IFT81: variants seen among roughly 807,000 people sequenced by gnomAD.
IFT81 encodes the protein intraflagellar transport protein 81 homolog.
IFT81 carries 72 observed loss-of-function variants against 102.6 expected under a neutral mutation model. That is an observed-to-expected ratio of 0.70 (90% confidence interval 0.58 to 0.85). The LOEUF (loss-of-function observed/expected upper bound fraction) is 0.85. IFT81 is among the 40% of genes least tolerant of loss of function. The pLI, the probability that IFT81 is intolerant of heterozygous loss-of-function variation, is 0.00. For synonymous variants in IFT81, 237 were observed against 242.7 expected (o/e 0.98, Z 0.22); for missense variants, 723 against 787.3 (o/e 0.92, Z 0.98).
At chr12:110,208,283 G>A (rs886358480) in intron 17 of IFT81, among the ~76,000 whole-genome samples, 7 of 152,114 alleles carry the variant, frequency 4.6e-5, no homozygotes, top group African/African-American at 1.7e-4. Context: ...TGAGCCAATT[G>A]CTTGAGCCCC....
In IFT81 at chr12:110,196,300, C is replaced by T. The variant is rs373792926; in HGVS notation, c.1557+3594C>T. ...TTGGGAGGCGAAGGCGGGTGGATCA[C>T]TTGAGGTCAGGAGTTCGAGACTAGC... On this transcript the variant is annotated intron_variant, in intron 14 of 18. Coordinates refer to ENST00000242591, the MANE Select transcript of IFT81 (RefSeq NM_014055.4). Among the ~76,000 whole-genome samples the T allele has an allele frequency of 2.3e-3, 343 of 152,218 alleles. 3 individuals carry two copies. The highest frequency in any genetic ancestry group is 7.9e-3 in the African/African-American group (329 of 41,530).
At chr12:110,140,002 G>A (rs1894790660) in intron 8 of IFT81, among the ~76,000 whole-genome samples, 1 of 151,304 alleles carries the variant, frequency 6.6e-6, no homozygotes, top group South Asian at 2.1e-4. Flanking sequence ...AGAGTTTGAG[G>A]TTAAAGTGAG....
intron 11 of IFT81, among the ~76,000 whole-genome samples, chr12:110,173,670 A>G (rs561237701): frequency 2.0e-5 from 3 of 152,322 alleles, no homozygotes; most frequent in South Asian, 2.1e-4. Flanking sequence ...TTATCCCCCA[A>G]CCCTGTGCTC....
intron 10 of IFT81, among the ~76,000 whole-genome samples, chr12:110,152,519 G>A (rs1895598211): frequency 6.6e-6 from 1 of 151,958 alleles, no homozygotes; most frequent in South Asian, 2.1e-4. Context: ...ATTGAGTTGA[G>A]TTCCTTATAT....
At chr12:110,206,355 T>C (rs1166164177) in intron 17 of IFT81, among the ~76,000 whole-genome samples, 1 of 152,178 alleles carries the variant, frequency 6.6e-6, no homozygotes, top group Non-Finnish European at 1.5e-5. Flanking sequence ...TTGCTAGGTG[T>C]GATAAAATGC....
chr12:110,170,034 G>A (rs1038626946), intron 11 of IFT81, among the ~76,000 whole-genome samples: 1 of 150,676 alleles, frequency 6.6e-6, no homozygotes, highest in Non-Finnish European at 1.5e-5. Context: ...CTCACTGCAA[G>A]CTCTGCCTCC....
At chr12:110,197,066 G>A (rs1172197912) in intron 14 of IFT81, among the ~76,000 whole-genome samples, 1 of 152,040 alleles carries the variant, frequency 6.6e-6, no homozygotes, top group Non-Finnish European at 1.5e-5. Context: ...GAGCATGGGA[G>A]CACACATCTA....
intron 8 of IFT81, 55 bp downstream of exon 8, chr12:110,136,915 C>T (rs1008756997): frequency 1.8e-5 from 19 of 1,076,810 alleles, no homozygotes; most frequent in East Asian, 1.1e-4. Context: ...ATTTAAATCA[C>T]GATCTTCCTA....
At chr12:110,147,187 C>A (rs191619773) in intron 10 of IFT81, 139 bp downstream of exon 10, 1 of 556,686 alleles carries the variant, frequency 1.8e-6, no homozygotes, top group Non-Finnish European at 2.9e-6. Context: ...CATAGTATAT[C>A]AAAGAATTAG....
chr12:110,124,408 G>C lies in IFT81; in HGVS notation c.-475G>C, dbSNP rs1465232114. The C allele has an allele frequency of 1.3e-5, 2 of 152,096 alleles. No homozygotes were observed. Among genetic ancestry groups the C allele is most frequent in the East Asian group, 3.9e-4 (2 of 5,190 alleles). 9.4% of individuals were successfully genotyped at this position (152,096 alleles called of 1,614,324 possible). ...CGGTCTAGAGCCCGGGCGCCTCCTG[G>C]GGGGTGGGGAAACGGTTTCGTGAGG... On this transcript the variant is annotated 5_prime_UTR_variant, in exon 1 of 19. Transcript: ENST00000242591.
chr12:110,198,305 GA>G (rs1018092765), intron 14 of IFT81, among the ~76,000 whole-genome samples: 41 of 148,184 alleles, frequency 2.8e-4, no homozygotes, highest in African/African-American at 7.9e-4. Context: ...GGCTTGGTCA[GA>G]AAAAAAAAAT....
intron 11 of IFT81, among the ~76,000 whole-genome samples, chr12:110,164,139 A>G (rs922213803): frequency 1.1e-4 from 16 of 152,146 alleles, no homozygotes; most frequent in African/African-American, 3.6e-4. Context: ...TCATCATAGA[A>G]GCTTACAACT....
At chr12:110,207,860 A>AAAATG (rs1327335571) in intron 17 of IFT81, among the ~76,000 whole-genome samples, 4 of 152,066 alleles carry the variant, frequency 2.6e-5, no homozygotes, top group Admixed American at 6.6e-5. Context: ...CCTGCTTTAA[A>AAAATG]TCTCACATTT....
intron 11 of IFT81, among the ~76,000 whole-genome samples, chr12:110,177,690 G>GTA (rs1276117252): frequency 6.6e-6 from 1 of 152,156 alleles, no homozygotes; most frequent in Admixed American, 6.5e-5. Flanking sequence ...AGGAATTTTT[G>GTA]TATACTCAGG....
intron 11 of IFT81, among the ~76,000 whole-genome samples, chr12:110,172,559 G>C (rs1008159931): frequency 6.6e-6 from 1 of 152,068 alleles, no homozygotes; most frequent in African/African-American, 2.4e-5. Context: ...ACTGGTTTTC[G>C]TATTTTTTTG....
intron 14 of IFT81, among the ~76,000 whole-genome samples, chr12:110,200,854 G>A (rs571059268): frequency 6.6e-6 from 1 of 152,068 alleles, no homozygotes; most frequent in South Asian, 2.1e-4. Context: ...GGAGGTTGAG[G>A]CAGGAGAATT....
intron 11 of IFT81, among the ~76,000 whole-genome samples, chr12:110,180,119 A>C (rs1298352987): frequency 1.3e-5 from 2 of 152,090 alleles, no homozygotes; most frequent in Non-Finnish European, 2.9e-5. Context: ...GAAGTTTAAA[A>C]TGATGGCAAA....
chr12:110,152,676 C>A (rs932804821), intron 10 of IFT81, among the ~76,000 whole-genome samples: 2 of 151,448 alleles, frequency 1.3e-5, no homozygotes, highest in Non-Finnish European at 2.9e-5. Context: ...CATCATAGCT[C>A]ACTGCAGCCT....
chr12:110,126,865 T>A (rs1893874534), intron 1 of IFT81, among the ~76,000 whole-genome samples: 1 of 152,214 alleles, frequency 6.6e-6, no homozygotes, highest in African/African-American at 2.4e-5. Flanking sequence ...TGCAGTTGGT[T>A]GTGGGCATGC....
Sources: allele counts gnomAD v4.1 joint callset (sites outside exome capture counted in the v4.1 genomes callset), GRCh38; gene constraint gnomAD v4.1.1; transcripts MANE v1.5; gene names NCBI Gene and HGNC (gene_info 2026-07-23, HGNC 2026-07-21).